Variants in DNAAF8 observed in about 807,000 individuals in gnomAD.
DNAAF8 encodes the protein dynein axonemal assembly factor 8.
In DNAAF8, 61 loss-of-function variants were observed where a neutral mutation model predicts 54.6. The observed-to-expected ratio is 1.12, with a 90% CI of 0.91 to 1.38. The LOEUF (loss-of-function observed/expected upper bound fraction) is 1.38, where lower values mean the gene tolerates loss of function less well. DNAAF8 is among the 40% of genes most tolerant of loss of function. DNAAF8 has a pLI of 0.00. For missense variants in DNAAF8, 837 were observed against 665.0 expected (o/e 1.26, Z -2.85); for synonymous variants, 320 against 270.1 (o/e 1.18, Z -1.81).
At chr16:4,746,244 A>T in intron 6 of DNAAF8, 131 bp from the exon 7 acceptor site, 1 of 987,168 alleles carries the variant, frequency 1.0e-6, no homozygotes, top group Non-Finnish European at 1.5e-6. Context: ...AAATGTGTTT[A>T]ATGTGCCCGT....
intron 3 of DNAAF8, among the ~76,000 whole-genome samples, chr16:4,739,827 C>T: frequency 6.6e-6 from 1 of 151,938 alleles, no homozygotes; most frequent in South Asian, 2.1e-4. Context: ...GGAAAGATAG[C>T]TTGAGGCCAG....
rs2082056957 is a variant in DNAAF8, at chr16:4,749,355, A to T, written c.*640A>T. 6.5e-6 allele frequency: 1 copy of T among 154,420 alleles called. No homozygotes were observed. The highest frequency in any genetic ancestry group is 1.5e-5 in the Non-Finnish European group (1 of 68,226). 9.6% of individuals were successfully genotyped at this position (154,420 alleles called of 1,614,324 possible). ...TTTAATGCCAGTAACCTCACTGAGA[A>T]TGTTTTACAGTGATGGAAAATAAAC... On this transcript the variant is annotated 3_prime_UTR_variant, in exon 10 of 10. Transcript: ENST00000299320.
At position 4,740,493 on chromosome 16, in the gene DNAAF8, T is replaced by A. The variant is rs1483528527; in HGVS notation, c.617T>A (p.Met206Lys). ...GCCCTCCGACAGGAGAGAAGGAAGA[T>A]GATAGAGACGGACATCCTCCAGAAA... is the stretch of plus-strand genomic sequence containing the variant. The part of the protein sequence containing the change: ...RRALRQERRK[M>K]IETDILQKVT... Residue 206 changes from methionine (M) to lysine (K), a missense_variant, in exon 4 of 10, where the codon ATG becomes AAG. Physicochemically the swap from Met to Lys is moderately conservative, Grantham distance 95. Coordinates refer to ENST00000299320, the MANE Select transcript of DNAAF8 (RefSeq NM_139170.3). 6.2e-7 allele frequency: 1 copy of A among 1,613,932 alleles called. No individual in the cohort carries two copies. The highest frequency in any genetic ancestry group is 8.5e-7 in the Non-Finnish European group (1 of 1,179,984).
intron 5 of DNAAF8, chr16:4,743,948 A>G (rs2081980802): frequency 1.2e-5 from 1 of 80,618 alleles, no homozygotes; most frequent in Non-Finnish European, 2.3e-5. Context: ...TTTTTTTTTG[A>G]GACAGAGTTT....
intron 5 of DNAAF8, chr16:4,743,712 A>AG (rs1287030125): frequency 6.6e-6 from 1 of 152,344 alleles, no homozygotes; most frequent in East Asian, 1.9e-4. Flanking sequence ...GAGCCAGGGC[A>AG]GGTGCGGCGC....
In DNAAF8 at chr16:4,740,302, GC is replaced by G. The variant is rs527269249; in HGVS notation, c.432del (p.Arg145GlyfsTer50). ...GCGCTCTTCTTGGGATGGCCGAGGA[GC>G]CCCCCAGGTGGCTGGAAGGCGACCT... The part of the protein sequence containing the change: ...VSALLGMAEE[P>X]PRWLEGDLGS... On this transcript the variant is annotated frameshift_variant, in exon 4 of 10. Coordinates refer to ENST00000299320, the MANE Select transcript of DNAAF8 (RefSeq NM_139170.3). LOFTEE classifies it high-confidence loss of function. The G allele has an allele frequency of 3.3e-4, 530 of 1,613,880 alleles. 2 individuals carry two copies. The African/African-American group carries it at 6.2e-3, about 19-fold the overall frequency.
Position 4,744,946 on chromosome 16 carries a change from T to C in DNAAF8, c.978T>C (p.Ser326=), listed in dbSNP as rs147930535. Residue 326 remains serine (S), a synonymous_variant, in exon 6 of 10, where the codon TCT becomes TCC. Coordinates refer to ENST00000299320, the MANE Select transcript of DNAAF8 (RefSeq NM_139170.3). ...TGTGCACCACGCAGTCCAAGGCCTCTGCTTGTGCCCGGAAGGTGCCTGCCG... is the reference window on the plus strand; with the variant it reads ...TGTGCACCACGCAGTCCAAGGCCTCCGCTTGTGCCCGGAAGGTGCCTGCCG... ...ALLCTTQSKA[S]ACARKVPADT... is the part of the protein sequence containing the mutation. 1.2e-3 allele frequency: 1,906 copies of C among 1,613,964 alleles called. 7 individuals are homozygous for C. In the Middle Eastern group the frequency reaches 0.024, roughly 20 times the overall value.
Position 4,736,604 on chromosome 16 carries a change from C to A in DNAAF8, c.90C>A (p.Val30=). 1 of 1,588,496 alleles carries A rather than the reference C, an allele frequency of 6.3e-7. No individual in the cohort carries two copies. Among genetic ancestry groups the A allele is most frequent in the South Asian group, 1.1e-5 (1 of 87,850 alleles). Residue 30 remains valine, a synonymous_variant, in exon 2 of 10, where the codon GTC becomes GTA. Coordinates refer to ENST00000299320, the MANE Select transcript of DNAAF8 (RefSeq NM_139170.3). Reference sequence around the variant, plus strand: ...CCTGGGATGCCATCCTCAAGGCTGTCAAAGACCAGCTCCCGTCTCTGGACT... The same window carrying A: ...CCTGGGATGCCATCCTCAAGGCTGTAAAAGACCAGCTCCCGTCTCTGGACT... ...MGPWDAILKA[V]KDQLPSLDSD...
chr16:4,738,070 A>C, intron 3 of DNAAF8, 124 bp downstream of exon 3: 3 of 1,224,686 alleles, frequency 2.4e-6, no homozygotes, highest in African/African-American at 1.5e-5. Flanking sequence ...TTTTTCCCCC[A>C]TGTACAACCC....
chr16:4,742,552 C>CAAAAAAAAAA (rs576508321), intron 4 of DNAAF8, among the ~76,000 whole-genome samples: 1 of 94,656 alleles, frequency 1.1e-5, no homozygotes, highest in African/African-American at 4.3e-5. Context: ...ACTAAAAATA[C>CAAAAAAAAAA]AAAAAAAAAA....
Position 4,737,874 on chromosome 16 carries a change from G to A in DNAAF8, c.204G>A (p.Glu68=). 1 of 1,614,180 alleles carries A rather than the reference G, an allele frequency of 6.2e-7. No homozygotes were observed. The highest frequency in any genetic ancestry group is 1.1e-5 in the South Asian group (1 of 91,082). ...CCCTGATTCCAGACCTGTCGGAGGAGCTGGCTGAAGATCCTGCCGATGGCG... is the reference window on the plus strand; with the variant it reads ...CCCTGATTCCAGACCTGTCGGAGGAACTGGCTGAAGATCCTGCCGATGGCG... The part of the protein sequence containing the change: ...QTSLIPDLSE[E]LAEDPADGDK... The change falls in exon 3 of 10, where the codon GAG becomes GAA. Residue 68 remains glutamate, a synonymous_variant. Transcript: ENST00000299320.
chr16:4,744,121 C>T (rs984698162), intron 5 of DNAAF8, among the ~76,000 whole-genome samples: 10 of 151,796 alleles, frequency 6.6e-5, no homozygotes, highest in African/African-American at 2.2e-4. Context: ...TTAGTAGAAA[C>T]GGGATTTCAC....
At position 4,746,532 on chromosome 16, in the gene DNAAF8, C is replaced by T; in HGVS notation, c.1181+20C>T. ...AGAAAGGTCCGGAGGGCAGTGACTA[C>T]CCCATACCAGCCTCTACTTTGCAGA... On this transcript the variant is annotated intron_variant, in intron 7 of 9. Coordinates refer to ENST00000299320, the MANE Select transcript of DNAAF8 (RefSeq NM_139170.3). The T allele has an allele frequency of 6.2e-7, 1 of 1,607,718 alleles. No homozygotes were observed.
At chr16:4,738,112 A>C in intron 3 of DNAAF8, 166 bp downstream of exon 3, 1 of 847,106 alleles carries the variant, frequency 1.2e-6, no homozygotes, top group Non-Finnish European at 1.8e-6. Context: ...TCTAACCTCC[A>C]CGCACCTCCC....
At chr16:4,745,042 G>A (rs2081996892) in intron 6 of DNAAF8, 31 bp downstream of exon 6, 1 of 1,604,450 alleles carries the variant, frequency 6.2e-7, no homozygotes, top group South Asian at 1.1e-5. Flanking sequence ...CGGCTCCTGT[G>A]GTCCTTTAGA....
In DNAAF8 at chr16:4,737,862, C is replaced by T; in HGVS notation, c.192C>T (p.Asp64=). Residue 64 remains aspartate, a synonymous_variant, in exon 3 of 10, where the codon GAC becomes GAT. Transcript: ENST00000299320. The part of the protein sequence containing the change: ...FQRNQTSLIP[D]LSEELAEDPA... The stretch of plus-strand genomic sequence containing the variant: ...GAAACCAAACCTCCCTGATTCCAGA[C>T]CTGTCGGAGGAGCTGGCTGAAGATC... 12 of 1,614,128 alleles carry T rather than the reference C, an allele frequency of 7.4e-6. No homozygotes were observed. The highest frequency in any genetic ancestry group is 9.3e-6 in the Non-Finnish European group (11 of 1,179,944).
intron 5 of DNAAF8, among the ~76,000 whole-genome samples, chr16:4,744,223 G>A (rs1259016134): frequency 2.6e-5 from 4 of 152,170 alleles, no homozygotes; most frequent in Non-Finnish European, 5.9e-5. Context: ...GAGCCACCGC[G>A]CTTGGCCGAA....
intron 6 of DNAAF8, among the ~76,000 whole-genome samples, chr16:4,745,972 A>G (rs76662837): frequency 2.0e-5 from 3 of 151,942 alleles, no homozygotes; most frequent in Non-Finnish European, 2.9e-5. Flanking sequence ...AAAAAAAAGA[A>G]AAAGAAAAAG....
chr16:4,740,889 A>G (rs2081953462), intron 4 of DNAAF8, among the ~76,000 whole-genome samples: 2 of 152,058 alleles, frequency 1.3e-5, no homozygotes, highest in Admixed American at 1.3e-4. Context: ...GCCTTCCTTA[A>G]AGAGAGAAAA....
Sources: allele counts gnomAD v4.1 joint callset (sites outside exome capture counted in the v4.1 genomes callset), GRCh38; gene constraint gnomAD v4.1.1; transcripts MANE v1.5; gene names NCBI Gene and HGNC (gene_info 2026-07-23, HGNC 2026-07-21).